The following RALGPS1 variants were observed in gnomAD, a reference collection of about 807,000 sequenced individuals.
RALGPS1 encodes the protein ras-specific guanine nucleotide-releasing factor RalGPS1.
Under a neutral mutation model 78.8 loss-of-function variants are expected in RALGPS1, and 19 were observed. The ratio of observed to expected loss-of-function variants is 0.24; its 90% CI spans 0.17 to 0.35. RALGPS1 has a LOEUF of 0.35. Ranked by LOEUF, RALGPS1 falls within the 10% of genes least tolerant of loss-of-function variation. RALGPS1 has a pLI of 1.00. For missense variants in RALGPS1, 454 were observed against 688.3 expected (o/e 0.66, Z 3.81); for synonymous variants, 228 against 256.3 (o/e 0.89, Z 1.06).
At chr9:127,073,728 C>G (rs1418887605) in intron 8 of RALGPS1, among the ~76,000 whole-genome samples, 2 of 152,034 alleles carry the variant, frequency 1.3e-5, no homozygotes, top group Non-Finnish European at 2.9e-5. Context: ...GTGTGTAGTT[C>G]CCTTTTCTCC....
chr9:127,156,015 G>A (rs545879996), intron 8 of RALGPS1, among the ~76,000 whole-genome samples: 3 of 151,846 alleles, frequency 2.0e-5, no homozygotes, highest in African/African-American at 7.2e-5. Flanking sequence ...GATGGCTATC[G>A]ATAACAGATT....
rs773752515 is a variant in RALGPS1, at chr9:127,091,878, C to T, written c.610+22522C>T. 3.8e-5 allele frequency: 62 copies of T among 1,614,138 alleles called. No individual in the cohort carries two copies. In the Middle Eastern group the frequency reaches 3.0e-3, roughly 77 times the overall value. Reference sequence around the variant, plus strand: ...CCAGGAGTTTGTAGTTGCCTTGGTTCGTCAGCCAGTAAATGTTCTCCAGGC... The same window carrying T: ...CCAGGAGTTTGTAGTTGCCTTGGTTTGTCAGCCAGTAAATGTTCTCCAGGC... On this transcript the variant is annotated intron_variant, in intron 8 of 18. Coordinates refer to ENST00000259351, the MANE Select transcript of RALGPS1 (RefSeq NM_014636.3). This position sits in a 1 kb window ranked among gnomAD's most constrained non-coding sequence, Gnocchi z 4.3.
At chr9:127,115,425 C>A (rs2055298496) in intron 8 of RALGPS1, among the ~76,000 whole-genome samples, 1 of 152,256 alleles carries the variant, frequency 6.6e-6, no homozygotes, top group East Asian at 1.9e-4. Flanking sequence ...ATTAATAGCA[C>A]CCCCTTTTCA....
chr9:127,060,342 C>T (rs1435099019), intron 7 of RALGPS1, among the ~76,000 whole-genome samples: 2 of 152,124 alleles, frequency 1.3e-5, no homozygotes, highest in African/African-American at 4.8e-5. Context: ...GTGTGGGGAC[C>T]TCAGACCAAG....
intron 8 of RALGPS1, among the ~76,000 whole-genome samples, chr9:127,163,550 A>G (rs2059135412): frequency 6.6e-6 from 1 of 152,214 alleles, no homozygotes; most frequent in Admixed American, 6.5e-5. Flanking sequence ...TCCCGTAACA[A>G]TGTGCATCTA....
chr9:127,187,269 C>G (rs1421324095), intron 11 of RALGPS1, among the ~76,000 whole-genome samples: 1 of 152,194 alleles, frequency 6.6e-6, no homozygotes, highest in Non-Finnish European at 1.5e-5. Flanking sequence ...TACAGACTTC[C>G]TGGAGGAAAT....
At position 127,076,465 on chromosome 9, in the gene RALGPS1, A is replaced by G. The variant is rs1312426760; in HGVS notation, c.610+7109A>G. Among the ~76,000 whole-genome samples, 5 of 152,350 alleles carry G rather than the reference A, an allele frequency of 3.3e-5. No individual in the cohort carries two copies. In the East Asian group the frequency reaches 9.6e-4, roughly 29 times the overall value. ...TAGTAAATTTACCCAGACTTCTAAC[A>G]TGTGAAGTAAATTTCTAGAACGTAA... On this transcript the variant is annotated intron_variant, in intron 8 of 18. Transcript: ENST00000259351.
chr9:127,179,927 G>C (rs1279913542), intron 11 of RALGPS1, among the ~76,000 whole-genome samples: 1 of 152,176 alleles, frequency 6.6e-6, no homozygotes, highest in Non-Finnish European at 1.5e-5. Context: ...CTTTGTCTCT[G>C]GGATGGTCCC....
chr9:127,081,828 A>G (rs1438826627), intron 8 of RALGPS1, among the ~76,000 whole-genome samples: 1 of 152,224 alleles, frequency 6.6e-6, no homozygotes, highest in East Asian at 1.9e-4. Flanking sequence ...CAAGCACAGC[A>G]TGGGACAGGC....
At chr9:127,187,321 T>G (rs988242090) in intron 11 of RALGPS1, among the ~76,000 whole-genome samples, 1 of 152,118 alleles carries the variant, frequency 6.6e-6, no homozygotes, top group Non-Finnish European at 1.5e-5. Flanking sequence ...GCCACCGTGT[T>G]CCTCCTTCCT....
At chr9:127,011,530 A>G (rs2044345904) in intron 4 of RALGPS1, among the ~76,000 whole-genome samples, 1 of 152,172 alleles carries the variant, frequency 6.6e-6, no homozygotes, top group African/African-American at 2.4e-5. Context: ...AGAATTCAGT[A>G]GGGTGTATTA....
intron 8 of RALGPS1, among the ~76,000 whole-genome samples, chr9:127,094,802 G>A (rs1458164543): frequency 6.6e-6 from 1 of 152,220 alleles, no homozygotes; most frequent in Non-Finnish European, 1.5e-5. Flanking sequence ...TGAGACCAGA[G>A]GGTTCTGTGA....
chr9:126,928,220 T>TAG (rs1327082672), intron 1 of RALGPS1, among the ~76,000 whole-genome samples: 1 of 152,150 alleles, frequency 6.6e-6, no homozygotes, highest in African/African-American at 2.4e-5. Flanking sequence ...ACCTGGAGTG[T>TAG]AGGACAAAGG....
intron 5 of RALGPS1, among the ~76,000 whole-genome samples, chr9:127,036,067 G>A (rs2046841003): frequency 6.6e-6 from 1 of 152,228 alleles, no homozygotes; most frequent in Admixed American, 6.5e-5. Flanking sequence ...TGGATGCCAG[G>A]TCAACTTGGC....
At chr9:127,099,502 C>G (rs929852268) in intron 8 of RALGPS1, among the ~76,000 whole-genome samples, 1 of 152,160 alleles carries the variant, frequency 6.6e-6, no homozygotes, top group Non-Finnish European at 1.5e-5. Context: ...ACGTGGCCTG[C>G]TTAGGTGAGA....
intron 4 of RALGPS1, among the ~76,000 whole-genome samples, chr9:127,034,098 T>TC (rs1232160999): frequency 3.9e-5 from 6 of 152,218 alleles, no homozygotes; most frequent in African/African-American, 7.2e-5. Context: ...GGTTAAAACA[T>TC]TTCTGTGCCC....
At chr9:127,069,119 C>A in intron 7 of RALGPS1, 111 bp from the exon 8 acceptor site, 1 of 1,079,246 alleles carries the variant, frequency 9.3e-7, no homozygotes, top group Non-Finnish European at 1.3e-6. Flanking sequence ...CAGGATTCGG[C>A]ACACCATAGA....
At chr9:127,198,887 C>T (rs2061474653) in intron 13 of RALGPS1, 128 bp from the exon 14 acceptor site, 2 of 816,500 alleles carry the variant, frequency 2.4e-6, no homozygotes, top group South Asian at 1.4e-5. Context: ...TACGTTGAGG[C>T]TCCCAATGTC....
At chr9:127,056,909 C>G (rs545008733) in intron 7 of RALGPS1, among the ~76,000 whole-genome samples, 1 of 152,264 alleles carries the variant, frequency 6.6e-6, no homozygotes, top group Admixed American at 6.5e-5. Flanking sequence ...CTCACTTGTC[C>G]TTTGAGTTGG....
Sources: gnomAD v4.1 joint callset for allele counts (sites outside exome capture counted in the v4.1 genomes callset) on GRCh38, gnomAD v4.1.1 for gene constraint, Gnocchi (gnomAD v3.1) non-coding constraint, MANE v1.5 for transcripts, NCBI Gene and HGNC (gene_info 2026-07-23, HGNC 2026-07-21) for gene names.